FRMD4B: variants seen among roughly 807,000 people sequenced by gnomAD.
FRMD4B encodes FERM domain-containing protein 4B.
In FRMD4B, 74 loss-of-function variants were observed where a neutral mutation model predicts 141.5. The ratio of observed to expected loss-of-function variants is 0.52; its 90% CI spans 0.43 to 0.63. FRMD4B has a LOEUF of 0.63. FRMD4B is among the 30% of genes least tolerant of loss of function. The pLI is 0.00. For synonymous variants in FRMD4B, 506 were observed against 467.9 expected (o/e 1.08, Z -1.05); for missense variants, 1,366 against 1,253.4 (o/e 1.09, Z -1.36).
chr3:69,509,061 C>A (rs1706644690), intron 1 of FRMD4B, among the ~76,000 whole-genome samples: 1 of 152,226 alleles, frequency 6.6e-6, no homozygotes, highest in South Asian at 2.1e-4. Context: ...TCCCATCTAG[C>A]TATGTCAAGT....
rs532786174 is a variant in FRMD4B, at chr3:69,222,244, G to C, written c.666-321C>G. Among the ~76,000 whole-genome samples the C allele has an allele frequency of 5.3e-5, 8 of 151,922 alleles. No individual in the cohort carries two copies. The East Asian group carries it at 1.4e-3, about 26-fold the overall frequency. ...TCCCAGCACTTTAGGAGGCTGAGGGGATCATGAGGTCAGGAGATTGAGACC... is the reference window on the plus strand; with the variant it reads ...TCCCAGCACTTTAGGAGGCTGAGGGCATCATGAGGTCAGGAGATTGAGACC... On this transcript the variant is annotated intron_variant, in intron 8 of 22. Transcript: ENST00000398540.
At chr3:69,511,777 G>T (rs1390460249) in intron 1 of FRMD4B, among the ~76,000 whole-genome samples, 1 of 152,158 alleles carries the variant, frequency 6.6e-6, no homozygotes, top group Non-Finnish European at 1.5e-5. Context: ...ACCTGCATTT[G>T]TGGTCTGAAG....
intron 1 of FRMD4B, among the ~76,000 whole-genome samples, chr3:69,498,448 G>C (rs913429346): frequency 1.3e-5 from 2 of 152,192 alleles, no homozygotes; most frequent in Admixed American, 1.3e-4. Context: ...ATGAGAGAGA[G>C]AGAGAGACAG....
chr3:69,240,810 A>G (rs2093376987), intron 7 of FRMD4B, among the ~76,000 whole-genome samples: 2 of 152,244 alleles, frequency 1.3e-5, no homozygotes, highest in Admixed American at 6.5e-5. Context: ...AGGCCTGGAA[A>G]TGCTTATCAG....
At chr3:69,270,586 A>G in intron 5 of FRMD4B, among the ~76,000 whole-genome samples, 1 of 90,580 alleles carries the variant, frequency 1.1e-5, no homozygotes, top group African/African-American at 4.0e-5. Context: ...TTTTTTTTTG[A>G]GACGGAGTCT....
intron 5 of FRMD4B, among the ~76,000 whole-genome samples, chr3:69,261,959 C>T (rs1388645495): frequency 3.3e-5 from 5 of 150,608 alleles, no homozygotes; most frequent in African/African-American, 7.3e-5. Flanking sequence ...GCTGAGCCAC[C>T]GTGCCTGCCC....
At chr3:69,333,889 A>G (rs1270710245) in intron 1 of FRMD4B, 2 of 152,206 alleles carry the variant, frequency 1.3e-5, no homozygotes, top group African/African-American at 4.8e-5. Flanking sequence ...AACTTATGCC[A>G]TAATTGAAGT....
At chr3:69,437,423 GTATATATACATATATATAATATAAAA>G (rs1201180211) in intron 1 of FRMD4B, among the ~76,000 whole-genome samples, 1 of 147,536 alleles carries the variant, frequency 6.8e-6, no homozygotes, top group Non-Finnish European at 1.5e-5. Context: ...ATGTATGTGT[GTATATATACATATATATAATATAAAA>G]TATATACACT....
chr3:69,512,335 C>CTTTCTTGGGTTAACCGCATAA (rs1474590519), intron 1 of FRMD4B, among the ~76,000 whole-genome samples: 36 of 152,256 alleles, frequency 2.4e-4, no homozygotes, highest in Middle Eastern at 3.4e-3. Context: ...AAAGCCAACA[C>CTTTCTTGGGTTAACCGCATAA]TTTCTTGGGT....
intron 11 of FRMD4B, among the ~76,000 whole-genome samples, chr3:69,202,227 G>A (rs1390414523): frequency 1.3e-5 from 2 of 151,938 alleles, no homozygotes; most frequent in Non-Finnish European, 2.9e-5. Context: ...GTCATGAAGG[G>A]ATTTCAGACC....
In FRMD4B at chr3:69,181,561, G is replaced by A; in HGVS notation, c.2189C>T (p.Ser730Phe). Residue 730 changes from serine (S) to phenylalanine (F), a missense_variant, in exon 21 of 23, where the codon TCT (serine) becomes TTT (phenylalanine). Ser to Phe is a radical substitution (Grantham distance 155). Transcript: ENST00000398540. ...TGTGCTTGATTGGCTTGTATAAGAA[G>A]ACCCGTCATCGAGGATTTCTGTGCT... ...SSSTEILDDG[S>F]SYTSQSSTEY... 6.2e-7 allele frequency: 1 copy of A among 1,613,898 alleles called. No homozygotes were observed. Among genetic ancestry groups the A allele is most frequent in the Non-Finnish European group, 8.5e-7 (1 of 1,179,832 alleles).
At chr3:69,462,217 T>A (rs1314234327) in intron 1 of FRMD4B, among the ~76,000 whole-genome samples, 1 of 152,120 alleles carries the variant, frequency 6.6e-6, no homozygotes, top group African/African-American at 2.4e-5. Context: ...CAGAGCTCAG[T>A]CTTGCCGGGA....
intron 1 of FRMD4B, among the ~76,000 whole-genome samples, chr3:69,475,177 T>C (rs1705964242): frequency 6.6e-6 from 1 of 152,068 alleles, no homozygotes; most frequent in Non-Finnish European, 1.5e-5. Flanking sequence ...TTTCCTGACC[T>C]GTGTTTCTAT....
intron 1 of FRMD4B, among the ~76,000 whole-genome samples, chr3:69,487,426 G>C (rs536362475): frequency 2.6e-5 from 4 of 152,252 alleles, no homozygotes; most frequent in African/African-American, 9.6e-5. Context: ...AAGATTTGGG[G>C]GTCTAGAGAT....
chr3:69,474,284 A>G (rs980672193), intron 1 of FRMD4B, among the ~76,000 whole-genome samples: 18 of 152,222 alleles, frequency 1.2e-4, no homozygotes, highest in Non-Finnish European at 2.4e-4. Context: ...TTAAAGGCAG[A>G]GTGAACAATA....
At chr3:69,426,748 T>C (rs1281933383) in intron 2 of FRMD4B, among the ~76,000 whole-genome samples, 3 of 152,070 alleles carry the variant, frequency 2.0e-5, no homozygotes, top group African/African-American at 7.2e-5. Context: ...ATTTTAACCG[T>C]GAAAACACAG....
chr3:69,180,810 G>A, intron 21 of FRMD4B, 89 bp downstream of exon 21: 1 of 857,676 alleles, frequency 1.2e-6, no homozygotes, highest in South Asian at 1.6e-5. Flanking sequence ...CCTGAGTACT[G>A]GTCTCATGAT....
chr3:69,365,242 C>T (rs1039617552), intron 1 of FRMD4B, among the ~76,000 whole-genome samples: 12 of 152,292 alleles, frequency 7.9e-5, no homozygotes, highest in Non-Finnish European at 1.6e-4. Flanking sequence ...TAAAATTGTT[C>T]TCAAACCAAT....
At chr3:69,265,738 C>T (rs959795591) in intron 5 of FRMD4B, among the ~76,000 whole-genome samples, 1 of 151,930 alleles carries the variant, frequency 6.6e-6, no homozygotes, top group Admixed American at 6.6e-5. Flanking sequence ...TGAGCCACAG[C>T]GCCTGGCCAC....
Sources: gnomAD v4.1 joint callset for allele counts (sites outside exome capture counted in the v4.1 genomes callset) on GRCh38, gnomAD v4.1.1 for gene constraint, MANE v1.5 for transcripts, NCBI Gene and HGNC (gene_info 2026-07-23, HGNC 2026-07-21) for gene names.